Variants in TPO observed in about 807,000 individuals in gnomAD.
TPO encodes thyroid microsomal antigen.
A neutral mutation model predicts 96.9 loss-of-function variants in TPO; 78 were observed. The observed-to-expected ratio is 0.81, with a 90% CI of 0.67 to 0.97. TPO has a LOEUF of 0.97. Ranked by LOEUF, TPO falls within the 50% of genes least tolerant of loss-of-function variation. The pLI is 0.00. For missense variants in TPO, 1,252 were observed against 1,274.8 expected, an observed-to-expected ratio of 0.98 and a Z score of 0.27; for synonymous variants, 547 against 538.0, an observed-to-expected ratio of 1.02 and a Z score of -0.23.
At position 1,542,170 on chromosome 2, in the gene TPO, G is replaced by A. The variant is rs28915683; in HGVS notation, c.2749-251G>A. The A allele has an allele frequency of 3.0e-3, 1,775 of 594,210 alleles. 15 individuals carry two copies. Among genetic ancestry groups the A allele is most frequent in the East Asian group, 0.018 (650 of 35,276 alleles). The allele number at this position is 594,210 out of a possible 1,614,324, so 36.8% of individuals were successfully genotyped here. A position where few individuals can be genotyped will look rare whatever the true frequency, so the allele number is the denominator to read the frequency against. ...CTTCTTCCTGAAGGACCCTGCCTGC[G>A]GATTGCAGATCCCACTCTGTGAGTA... is the stretch of plus-strand genomic sequence containing the variant. On this transcript the variant is annotated intron_variant, in intron 16 of 16. Transcript: ENST00000329066.
intron 1 of TPO, among the ~76,000 whole-genome samples, chr2:1,406,690 A>G (rs770620248): frequency 6.6e-6 from 1 of 152,246 alleles, no homozygotes; most frequent in Non-Finnish European, 1.5e-5. Context: ...GCCATTCACA[A>G]TATTACCCCT....
chr2:1,400,055 C>T (rs956543794), intron 1 of TPO, among the ~76,000 whole-genome samples: 3 of 152,160 alleles, frequency 2.0e-5, no homozygotes, highest in Admixed American at 6.5e-5. Flanking sequence ...ATTTTCAGCC[C>T]TCATGTGGCA....
At chr2:1,530,873 TCCGCAAATCC>T (rs1677978060) in intron 15 of TPO, among the ~76,000 whole-genome samples, 1 of 57,796 alleles carries the variant, frequency 1.7e-5, no homozygotes, top group Admixed American at 2.1e-4. Context: ...GTGTGCAACC[TCCGCAAATCC>T]CCCCACTGTG....
chr2:1,511,970 G>C (rs1461113042), intron 14 of TPO, among the ~76,000 whole-genome samples: 4 of 152,102 alleles, frequency 2.6e-5, no homozygotes, highest in African/African-American at 9.7e-5. Flanking sequence ...CCAATATTTT[G>C]TTTCAAACGT....
chr2:1,496,036 A>C lies in TPO; in HGVS notation c.2054A>C (p.Glu685Ala). 6.2e-7 allele frequency: 1 copy of C among 1,613,660 alleles called. No homozygotes were observed. The highest frequency in any genetic ancestry group is 1.7e-4 in the Middle Eastern group (1 of 5,760). ...SHVFTDAQRR[E>A]LEKHSLSRVI... The stretch of plus-strand genomic sequence containing the variant: ...GTCTTCACGGATGCACAGAGGCGTG[A>C]GCTGGAGAAGCACTCCCTGTCTCGG... Residue 685 changes from glutamate to alanine, a missense_variant, in exon 12 of 17, where the codon GAG (glutamate) becomes GCG (alanine). Physicochemically the swap from Glu to Ala is moderately radical, Grantham distance 107. Coordinates refer to ENST00000329066, the MANE Select transcript of TPO (RefSeq NM_001206744.2).
At chr2:1,378,815 C>T (rs952706156) in intron 1 of TPO, among the ~76,000 whole-genome samples, 2 of 152,054 alleles carry the variant, frequency 1.3e-5, no homozygotes, top group African/African-American at 2.4e-5. Flanking sequence ...TCAGAAGGTC[C>T]GAGAGATGTT....
At chr2:1,498,502 C>T (rs565223243) in intron 13 of TPO, among the ~76,000 whole-genome samples, 70 of 152,350 alleles carry the variant, frequency 4.6e-4, no homozygotes, top group African/African-American at 1.6e-3. Flanking sequence ...GGGGTGTCAT[C>T]ACTGGAAACC....
chr2:1,377,378 T>C (rs558979442), intron 1 of TPO, among the ~76,000 whole-genome samples: 1 of 152,312 alleles, frequency 6.6e-6, no homozygotes, highest in Non-Finnish European at 1.5e-5. Context: ...GCTGTCACAG[T>C]TTTATGAAAG....
At chr2:1,383,193 C>T (rs370873500) in intron 1 of TPO, among the ~76,000 whole-genome samples, 17 of 152,166 alleles carry the variant, frequency 1.1e-4, no homozygotes, top group Middle Eastern at 3.4e-3. Flanking sequence ...CACAAGTGTG[C>T]GTGTGTCTTT....
chr2:1,455,452 T>C (rs1483096504), intron 6 of TPO, among the ~76,000 whole-genome samples: 1 of 152,088 alleles, frequency 6.6e-6, no homozygotes, highest in African/African-American at 2.4e-5. Context: ...ATCATCCACA[T>C]CAGGTAGGGC....
upstream of TPO, among the ~76,000 whole-genome samples, chr2:1,410,503 G>A (rs1426424442): frequency 6.6e-6 from 1 of 152,216 alleles, no homozygotes. Context: ...CAGAACACAC[G>A]ATGTCTGCAG....
intron 14 of TPO, among the ~76,000 whole-genome samples, chr2:1,508,513 C>A (rs529326388): frequency 2.2e-4 from 33 of 152,250 alleles, no homozygotes; most frequent in South Asian, 4.1e-4. Context: ...TCCATCTGGT[C>A]CTGGACTTTT....
At chr2:1,431,846 C>T (rs1665007781) in intron 3 of TPO, among the ~76,000 whole-genome samples, 1 of 152,196 alleles carries the variant, frequency 6.6e-6, no homozygotes, top group Non-Finnish European at 1.5e-5. Context: ...TCACTTTTCC[C>T]AAAGCCACAG....
intron 7 of TPO, among the ~76,000 whole-genome samples, chr2:1,467,466 T>G (rs1669010560): frequency 6.6e-6 from 1 of 152,282 alleles, no homozygotes; most frequent in East Asian, 1.9e-4. Flanking sequence ...CAGGAGCAGA[T>G]TATTTAATTT....
intron 1 of TPO, among the ~76,000 whole-genome samples, chr2:1,393,693 A>G (rs1033462276): frequency 6.6e-6 from 1 of 152,260 alleles, no homozygotes; most frequent in Non-Finnish European, 1.5e-5. Flanking sequence ...ATATACAGGA[A>G]ATAAAAAGAG....
chr2:1,441,392 T>A (rs1284218305), intron 5 of TPO, among the ~76,000 whole-genome samples: 2 of 152,244 alleles, frequency 1.3e-5, no homozygotes, highest in Non-Finnish European at 2.9e-5. Context: ...CCCTATTTTT[T>A]AACAAGGGGG....
At chr2:1,454,589 C>T (rs992567519) in intron 6 of TPO, among the ~76,000 whole-genome samples, 8 of 152,122 alleles carry the variant, frequency 5.3e-5, no homozygotes, top group African/African-American at 1.7e-4. Context: ...GAAGACGGCT[C>T]GGTGCTCCCA....
At chr2:1,427,418 G>A (rs1235179504) in intron 3 of TPO, among the ~76,000 whole-genome samples, 9 of 152,214 alleles carry the variant, frequency 5.9e-5, no homozygotes, top group Admixed American at 3.3e-4. Context: ...AGGGAGGCAG[G>A]CATTGTGTCT....
intron 7 of TPO, among the ~76,000 whole-genome samples, chr2:1,472,544 C>T (rs868096201): frequency 2.0e-5 from 3 of 152,094 alleles, no homozygotes; most frequent in African/African-American, 7.2e-5. Flanking sequence ...CTGGGAATCC[C>T]CCCAGTGGAG....
Sources: gnomAD v4.1 joint callset for allele counts (sites outside exome capture counted in the v4.1 genomes callset) on GRCh38, gnomAD v4.1.1 for gene constraint, MANE v1.5 for transcripts, NCBI Gene and HGNC (gene_info 2026-07-23, HGNC 2026-07-21) for gene names.